KAZN: variants seen among roughly 807,000 people sequenced by gnomAD.
KAZN encodes the protein kazrin, periplakin interacting protein.
A neutral mutation model predicts 87.4 loss-of-function variants in KAZN; 40 were observed. The ratio of observed to expected loss-of-function variants is 0.46; its 90% CI spans 0.36 to 0.60. The LOEUF is 0.60. Ranked by LOEUF, KAZN falls within the 20% of genes least tolerant of loss-of-function variation. The probability of loss-of-function intolerance (pLI) is 0.00; values close to 1 mark genes in which losing one functional copy is unlikely to be tolerated. For missense variants in KAZN, 898 were observed against 1,073.9 expected (o/e 0.84, Z 2.29); for synonymous variants, 466 against 458.3 (o/e 1.02, Z -0.22).
chr1:14,707,553 C>G (rs1642273895), intron 1 of KAZN, among the ~76,000 whole-genome samples: 1 of 152,166 alleles, frequency 6.6e-6, no homozygotes, highest in South Asian at 2.1e-4. Context: ...ATCTTTATTT[C>G]CTTTCATTTC....
At chr1:14,671,114 G>A (rs1034213807) in intron 1 of KAZN, among the ~76,000 whole-genome samples, 1 of 152,182 alleles carries the variant, frequency 6.6e-6, no homozygotes, top group African/African-American at 2.4e-5. Flanking sequence ...GAGCCAGGGT[G>A]GTCAGTGAAG....
intron 1 of KAZN, among the ~76,000 whole-genome samples, chr1:14,091,179 T>C (rs906816037): frequency 6.7e-6 from 1 of 149,498 alleles, no homozygotes; most frequent in African/African-American, 2.5e-5. Flanking sequence ...AATTCCCTCC[T>C]CTTGGTATAT....
chr1:14,438,302 C>G (rs566370732), intron 2 of KAZN, among the ~76,000 whole-genome samples: 2 of 152,160 alleles, frequency 1.3e-5, no homozygotes, highest in African/African-American at 2.4e-5. Flanking sequence ...GAGCAAAACA[C>G]GCTAAACAAA....
chr1:14,169,397 C>T (rs1175987577), intron 1 of KAZN, among the ~76,000 whole-genome samples: 2 of 152,126 alleles, frequency 1.3e-5, no homozygotes, highest in African/African-American at 4.8e-5. Context: ...CTGTCCATTC[C>T]AGCAGAGTTT....
intron 1 of KAZN, among the ~76,000 whole-genome samples, chr1:14,143,080 C>T (rs1464159330): frequency 1.3e-5 from 2 of 152,156 alleles, no homozygotes; most frequent in Non-Finnish European, 2.9e-5. Flanking sequence ...GGTTCCAAGA[C>T]AGCTCTCAGC....
At chr1:14,111,826 G>C (rs747507229) in intron 1 of KAZN, among the ~76,000 whole-genome samples, 48 of 150,758 alleles carry the variant, frequency 3.2e-4, no homozygotes, top group Non-Finnish European at 6.0e-4. Flanking sequence ...TGCAACCTCG[G>C]CTTCCTGGGT....
Position 14,997,231 on chromosome 1 carries a change from T to C in KAZN, c.418+36356T>C, listed in dbSNP as rs895242955. Among the ~76,000 whole-genome samples the C allele has an allele frequency of 2.6e-3, 384 of 149,978 alleles. 7 individuals carry two copies. The highest frequency in any genetic ancestry group is 2.4e-3 in the Non-Finnish European group (162 of 67,498). On this transcript the variant is annotated intron_variant, in intron 2 of 14. Coordinates refer to ENST00000376030, the MANE Select transcript of KAZN (RefSeq NM_201628.3). Reference sequence around the variant, plus strand: ...TTTATTTATTTATTTATTTATTTATTTATTTATTTATTTATTTATTTATTT... The same window carrying C: ...TTTATTTATTTATTTATTTATTTATCTATTTATTTATTTATTTATTTATTT...
chr1:14,178,357 A>G (rs1209303926), intron 1 of KAZN, among the ~76,000 whole-genome samples: 1 of 152,180 alleles, frequency 6.6e-6, no homozygotes, highest in Non-Finnish European at 1.5e-5. Context: ...CGAGACTCCA[A>G]TTAGATATAC....
At chr1:14,719,945 A>G (rs1272092449) in intron 1 of KAZN, among the ~76,000 whole-genome samples, 5 of 150,354 alleles carry the variant, frequency 3.3e-5, no homozygotes, top group African/African-American at 9.7e-5. Context: ...TTTGGAAAAC[A>G]ACAGGGGAAT....
chr1:14,048,824 T>G (rs947226482), intron 1 of KAZN, among the ~76,000 whole-genome samples: 20 of 152,222 alleles, frequency 1.3e-4, no homozygotes, highest in Non-Finnish European at 2.8e-4. Context: ...TTTCTAGTTC[T>G]AGATCCCTGA....
At chr1:14,291,559 G>C (rs141964060) in intron 2 of KAZN, among the ~76,000 whole-genome samples, 28 of 152,302 alleles carry the variant, frequency 1.8e-4, no homozygotes, top group African/African-American at 5.8e-4. Context: ...TGTTTGGGTG[G>C]GAGTGTCTCA....
intron 1 of KAZN, among the ~76,000 whole-genome samples, chr1:14,947,510 T>C (rs940603494): frequency 1.3e-5 from 2 of 152,210 alleles, no homozygotes; most frequent in Admixed American, 1.3e-4. Flanking sequence ...CAATTTCAAC[T>C]CTGTGTCCAC....
chr1:14,229,334 T>C (rs1338125314), intron 2 of KAZN, among the ~76,000 whole-genome samples: 10 of 152,214 alleles, frequency 6.6e-5, no homozygotes, highest in Non-Finnish European at 1.2e-4. Context: ...AAAAGTGTGT[T>C]TATAAAAGCC....
chr1:14,258,511 A>G (rs546278823), intron 2 of KAZN, among the ~76,000 whole-genome samples: 63 of 151,518 alleles, frequency 4.2e-4, no homozygotes, highest in African/African-American at 1.5e-3. Flanking sequence ...CTGGGATTAC[A>G]GGCGTGAGCC....
intron 1 of KAZN, among the ~76,000 whole-genome samples, chr1:14,762,731 A>C (rs1290372341): frequency 1.3e-5 from 2 of 151,956 alleles, no homozygotes; most frequent in African/African-American, 4.8e-5. Flanking sequence ...TCTCAAAAAA[A>C]AAAAAAGAAA....
chr1:13,914,861 A>G (rs1318770377), intron 1 of KAZN, among the ~76,000 whole-genome samples: 1 of 152,218 alleles, frequency 6.6e-6, no homozygotes, highest in Non-Finnish European at 1.5e-5. Flanking sequence ...AGTCTTGCCC[A>G]CAGTCTGAGT....
chr1:14,889,963 C>T (rs1247674637), intron 1 of KAZN, among the ~76,000 whole-genome samples: 5 of 152,296 alleles, frequency 3.3e-5, no homozygotes, highest in Admixed American at 1.3e-4. Flanking sequence ...AGAAGTACCT[C>T]GTACGCTCGA....
intron 2 of KAZN, among the ~76,000 whole-genome samples, chr1:14,246,196 A>G (rs1469881572): frequency 6.6e-6 from 1 of 152,098 alleles, no homozygotes; most frequent in Admixed American, 6.6e-5. Context: ...GGATGGGAGG[A>G]GCATCAGGAA....
chr1:14,959,861 C>T (rs1441437419), intron 1 of KAZN, among the ~76,000 whole-genome samples: 2 of 152,154 alleles, frequency 1.3e-5, no homozygotes, highest in Non-Finnish European at 2.9e-5. Context: ...ACGGCTCTCA[C>T]TTTGGGAGGA....
Sources: gnomAD v4.1 joint callset for allele counts (sites outside exome capture counted in the v4.1 genomes callset) on GRCh38, gnomAD v4.1.1 for gene constraint, MANE v1.5 for transcripts, NCBI Gene and HGNC (gene_info 2026-07-23, HGNC 2026-07-21) for gene names.